The following PABPC4L variants were observed in gnomAD, a reference collection of about 807,000 sequenced individuals.
PABPC4L encodes the protein polyadenylate-binding protein 4-like.
For synonymous variants in PABPC4L, 169 were observed against 164.1 expected, an observed-to-expected ratio of 1.03 and a Z score of -0.23; for missense variants, 452 against 451.4, an observed-to-expected ratio of 1.00 and a Z score of -0.01.
chr4:134,163,053 G>A, the PABPC4L span, among the ~76,000 whole-genome samples: 1 of 151,902 alleles, frequency 6.6e-6, no homozygotes, highest in South Asian at 2.1e-4. Context: ...AATTACAAAA[G>A]ATCAATGAAA....
At chr4:134,171,740 T>C in the PABPC4L span, among the ~76,000 whole-genome samples, 1 of 152,104 alleles carries the variant, frequency 6.6e-6, no homozygotes, top group East Asian at 1.9e-4. Context: ...TGTTTGCAGA[T>C]TATGTGATGC....
the PABPC4L span, among the ~76,000 whole-genome samples, chr4:133,988,506 G>C: frequency 6.6e-6 from 1 of 152,192 alleles, no homozygotes; most frequent in Non-Finnish European, 1.5e-5. Flanking sequence ...GTTCCAAAAT[G>C]ACCTCCTTTA....
At chr4:133,984,143 A>G in the PABPC4L span, among the ~76,000 whole-genome samples, 1 of 151,890 alleles carries the variant, frequency 6.6e-6, no homozygotes, top group Non-Finnish European at 1.5e-5. Context: ...CTCTCCAGAC[A>G]TGTCAAAGAA....
the PABPC4L span, among the ~76,000 whole-genome samples, chr4:134,017,961 A>G: frequency 6.6e-6 from 1 of 152,094 alleles, no homozygotes; most frequent in Non-Finnish European, 1.5e-5. Context: ...TTATTAATAT[A>G]AGAAGACAGG....
At chr4:134,182,313 T>G in the PABPC4L span, among the ~76,000 whole-genome samples, 1 of 151,650 alleles carries the variant, frequency 6.6e-6, no homozygotes, top group African/African-American at 2.4e-5. Context: ...TACCACACAC[T>G]TACAACCATC....
the PABPC4L span, among the ~76,000 whole-genome samples, chr4:134,113,950 G>T: frequency 7.9e-5 from 12 of 151,898 alleles, no homozygotes; most frequent in Non-Finnish European, 1.5e-5. Context: ...ACCTTTTGCT[G>T]TGTGTAATAG....
At chr4:134,022,669 T>C in the PABPC4L span, among the ~76,000 whole-genome samples, 4 of 151,976 alleles carry the variant, frequency 2.6e-5, no homozygotes, top group Admixed American at 2.6e-4. Context: ...GTTTATTACT[T>C]TTGGGATTTA....
the PABPC4L span, among the ~76,000 whole-genome samples, chr4:133,998,332 C>T: frequency 6.6e-6 from 1 of 151,756 alleles, no homozygotes; most frequent in Non-Finnish European, 1.5e-5. Context: ...GATATTCCAC[C>T]GTCACATAAT....
chr4:134,133,348 A>G, the PABPC4L span, among the ~76,000 whole-genome samples: 1 of 142,366 alleles, frequency 7.0e-6, no homozygotes, highest in Non-Finnish European at 1.5e-5. Context: ...ATATATAACC[A>G]TATCTTATAT....
the PABPC4L span, among the ~76,000 whole-genome samples, chr4:134,147,615 T>G: frequency 3.0e-4 from 45 of 152,072 alleles, 1 homozygote; most frequent in Non-Finnish European, 2.9e-5. Flanking sequence ...TTCAATTTAC[T>G]CTTGAAATGC....
At chr4:134,164,211 C>A in the PABPC4L span, among the ~76,000 whole-genome samples, 1 of 131,034 alleles carries the variant, frequency 7.6e-6, no homozygotes, top group Non-Finnish European at 1.6e-5. Flanking sequence ...TGCAGTGAGC[C>A]GAGATCCCGC....
chr4:134,054,161 C>A, the PABPC4L span, among the ~76,000 whole-genome samples: 1 of 148,854 alleles, frequency 6.7e-6, no homozygotes. Flanking sequence ...ATTTAGTCAT[C>A]TTCAAGTCTA....
At chr4:133,948,561 T>C in the PABPC4L span, among the ~76,000 whole-genome samples, 3 of 152,218 alleles carry the variant, frequency 2.0e-5, no homozygotes, top group Non-Finnish European at 4.4e-5. Context: ...ATATTCCCTA[T>C]GGAGAATGAG....
chr4:133,956,372 A>G, the PABPC4L span, among the ~76,000 whole-genome samples: 1 of 152,100 alleles, frequency 6.6e-6, no homozygotes, highest in African/African-American at 2.4e-5. Flanking sequence ...AAAAGATAGC[A>G]AAAGGAGAGG....
the PABPC4L span, among the ~76,000 whole-genome samples, chr4:134,064,847 G>C: frequency 2.0e-5 from 3 of 151,954 alleles, no homozygotes; most frequent in Non-Finnish European, 2.9e-5. Context: ...GTGAACATGA[G>C]GTATTTGATT....
At chr4:133,954,289 G>C in the PABPC4L span, among the ~76,000 whole-genome samples, 1 of 152,060 alleles carries the variant, frequency 6.6e-6, no homozygotes, top group Non-Finnish European at 1.5e-5. Flanking sequence ...TCTTTACTAC[G>C]CTCTTTTTCT....
At chr4:134,057,457 A>G in the PABPC4L span, among the ~76,000 whole-genome samples, 308 of 152,168 alleles carry the variant, frequency 2.0e-3, 2 homozygotes, top group Non-Finnish European at 3.9e-3. Context: ...GCACTCTGAC[A>G]TCATCCCATT....
In PABPC4L at chr4:134,200,071, C is replaced by G. The variant is rs1181587519; in HGVS notation, c.949G>C (p.Gly317Arg). 6.4e-7 allele frequency: 1 copy of G among 1,551,640 alleles called. No homozygotes were observed. Among genetic ancestry groups the G allele is most frequent in the Admixed American group, 2.0e-5 (1 of 51,004 alleles). The change falls in exon 2 of 2, where the codon GGA (glycine) becomes CGA (arginine). Residue 317 changes from glycine (G) to arginine (R), a missense_variant. By Grantham distance (125) the Gly-to-Arg change is moderately radical. Transcript: ENST00000421491. ...EKLRNEFSSF[G>R]SISRVKVMQE... ...ATTACCTTAACTCTGCTAATTGATC[C>G]AAATGAAGAAAATTCGTTTCGTAGT...
the PABPC4L span, among the ~76,000 whole-genome samples, chr4:134,110,134 CAAGA>C: frequency 2.0e-5 from 3 of 151,758 alleles, no homozygotes; most frequent in African/African-American, 7.3e-5. Flanking sequence ...AAAAGAGCCT[CAAGA>C]AAGAGAGCAT....
Sources: gnomAD v4.1 joint callset for allele counts (sites outside exome capture counted in the v4.1 genomes callset) on GRCh38, gnomAD v4.1.1 for gene constraint, MANE v1.5 for transcripts, NCBI Gene and HGNC (gene_info 2026-07-23, HGNC 2026-07-21) for gene names.